Variants in ZFHX3 observed in about 807,000 individuals in gnomAD.
ZFHX3 encodes zinc finger homeobox protein 3.
ZFHX3 carries 42 observed loss-of-function variants against 279.1 expected under a neutral mutation model. The observed-to-expected ratio is 0.15, with a 90% CI of 0.12 to 0.19. ZFHX3 has a LOEUF of 0.19. ZFHX3 is among the 10% of genes least tolerant of loss of function. ZFHX3 has a pLI of 1.00. For missense variants in ZFHX3, 4,981 were observed against 4,754.0 expected (o/e 1.05, Z -1.40); for synonymous variants, 2,293 against 1,957.8 (o/e 1.17, Z -4.52).
intron 3 of ZFHX3, among the ~76,000 whole-genome samples, chr16:73,410,401 G>A (rs2017442405): frequency 6.6e-6 from 1 of 152,194 alleles, no homozygotes; most frequent in South Asian, 2.1e-4. Flanking sequence ...GGGCAACACA[G>A]AGAGACTCTG....
At chr16:73,078,511 C>T (rs1476440972) in intron 8 of ZFHX3, among the ~76,000 whole-genome samples, 2 of 152,164 alleles carry the variant, frequency 1.3e-5, no homozygotes, top group African/African-American at 2.4e-5. Flanking sequence ...TTACCAATCT[C>T]GTGAGCCTGA....
intron 6 of ZFHX3, among the ~76,000 whole-genome samples, chr16:73,138,344 G>T (rs1966829098): frequency 6.6e-6 from 1 of 152,090 alleles, no homozygotes; most frequent in Non-Finnish European, 1.5e-5. Flanking sequence ...ATAGAGAAAA[G>T]CAACAAGGAA....
intron 2 of ZFHX3, among the ~76,000 whole-genome samples, chr16:73,556,447 A>G (rs932271386): frequency 6.6e-6 from 1 of 152,236 alleles, no homozygotes; most frequent in African/African-American, 2.4e-5. Context: ...AGAGGCAGTC[A>G]GAGAGCTGTC....
chr16:72,882,980 GTGTGTGTGTGTGTGTGTGTGTGTGT>G lies in ZFHX3; in HGVS notation c.3448+6726_3448+6750del, dbSNP rs2038525319. Among the ~76,000 whole-genome samples, 118 of 35,498 alleles carry G rather than the reference GTGTGTGTGTGTGTGTGTGTGTGTGT, an allele frequency of 3.3e-3. 1 individual carries two copies. The highest frequency in any genetic ancestry group is 0.067 in the Middle Eastern group (2 of 30). 23.3% of individuals were successfully genotyped at this position (35,498 alleles called of 152,430 possible). Reference sequence around the variant, plus strand: ...TTTGGCCTTCACACCACTCTGGGGTGTGTGTGTGTGTGTGTGTGTGTGTGTGTGTGTGTGTGTGTGTGTGTGTGTG... The same window carrying G: ...TTTGGCCTTCACACCACTCTGGGGTGGTGTGTGTGTGTGTGTGTGTGTGTG... On this transcript the variant is annotated intron_variant, in intron 4 of 9. Transcript: ENST00000268489.
At chr16:72,896,034 T>C (rs1032185249) in intron 3 of ZFHX3, among the ~76,000 whole-genome samples, 2 of 152,152 alleles carry the variant, frequency 1.3e-5, no homozygotes, top group African/African-American at 4.8e-5. Flanking sequence ...AGAAGTATGA[T>C]GAAGGAAGGA....
At chr16:73,310,203 G>A (rs148798737) in intron 4 of ZFHX3, among the ~76,000 whole-genome samples, 103 of 151,908 alleles carry the variant, frequency 6.8e-4, no homozygotes, top group Non-Finnish European at 1.1e-3. Flanking sequence ...CACTGCACCC[G>A]GTCTGCTTTG....
chr16:73,340,674 C>G (rs1173481463), intron 3 of ZFHX3, among the ~76,000 whole-genome samples: 3 of 152,176 alleles, frequency 2.0e-5, no homozygotes, highest in Non-Finnish European at 4.4e-5. Context: ...CCGTGCCTGG[C>G]TGATCTTTTT....
intron 3 of ZFHX3, among the ~76,000 whole-genome samples, chr16:72,907,928 C>G (rs1187280675): frequency 1.3e-5 from 2 of 152,080 alleles, no homozygotes; most frequent in African/African-American, 4.8e-5. Flanking sequence ...AAGTGATTCA[C>G]CTGCCTCGGC....
At chr16:72,934,319 T>C (rs929150353) in intron 3 of ZFHX3, among the ~76,000 whole-genome samples, 1 of 152,108 alleles carries the variant, frequency 6.6e-6, no homozygotes, top group African/African-American at 2.4e-5. Context: ...TCCCAGCTAC[T>C]TGGGAGGCTG....
At chr16:73,214,889 G>A (rs375414950) in intron 5 of ZFHX3, among the ~76,000 whole-genome samples, 8 of 119,326 alleles carry the variant, frequency 6.7e-5, no homozygotes, top group Non-Finnish European at 1.3e-4. Flanking sequence ...GGGTTTCCAG[G>A]ATTCAGGGTG....
At position 72,787,465 on chromosome 16, in the gene ZFHX3, G is replaced by A. The variant is rs780630235; in HGVS notation, c.10811C>T (p.Ala3604Val). 14 of 1,605,114 alleles carry A rather than the reference G, an allele frequency of 8.7e-6. No homozygotes were observed. In the South Asian group the frequency reaches 1.6e-4, roughly 18 times the overall value. Residue 3604 changes from alanine (A) to valine (V), a missense_variant, in exon 10 of 10, where the codon GCC becomes GTC. Physicochemically the swap from Ala to Val is moderately conservative, Grantham distance 64. Around this residue, in one of 7 missense-constraint regions of ZFHX3, gnomAD observed 1,034 missense variants for 786.0 expected, o/e 1.32. Coordinates refer to ENST00000268489, the MANE Select transcript of ZFHX3 (RefSeq NM_006885.4). ...NDSPPPPSAA[A>V]PSSASPHASR... is the part of the protein sequence containing the mutation. ...GGCGTGGGGGGAAGCGGAGGAGGGG[G>A]CGGCGGCCGACGGGGGAGGGGGGCT... is the stretch of plus-strand genomic sequence containing the variant.
At chr16:73,183,176 G>C (rs935373544) in intron 5 of ZFHX3, among the ~76,000 whole-genome samples, 1 of 152,166 alleles carries the variant, frequency 6.6e-6, no homozygotes, top group African/African-American at 2.4e-5. Context: ...CTGCACTCCA[G>C]CCTGGGCAAC....
intron 5 of ZFHX3, among the ~76,000 whole-genome samples, chr16:73,239,364 A>G (rs925509643): frequency 3.3e-5 from 5 of 152,188 alleles, no homozygotes; most frequent in African/African-American, 1.2e-4. Flanking sequence ...GTTAATTAGA[A>G]GCTCTGGCTA....
At position 73,601,427 on chromosome 16, in the gene ZFHX3, G is replaced by A. The variant is rs183515876; in HGVS notation, c.-1547+78753C>T. On this transcript the variant is annotated intron_variant, in intron 2 of 17. Coordinates refer to the ZFHX3 transcript ENST00000641206. ...GGAGGTTGCAGTGAGCCGAGATCAC[G>A]CCGCTGCACTCCAGCCTGGGCGACA... 6.2e-3 allele frequency among the ~76,000 whole-genome samples: 930 copies of A among 149,394 alleles called. 5 individuals are homozygous for A. The highest frequency in any genetic ancestry group is 0.025 in the Middle Eastern group (7 of 284).
At chr16:73,603,128 A>G (rs1724215563) in intron 2 of ZFHX3, among the ~76,000 whole-genome samples, 1 of 151,960 alleles carries the variant, frequency 6.6e-6, no homozygotes, top group African/African-American at 2.4e-5. Flanking sequence ...ACTAAAAAAT[A>G]CAAAAAATTA....
intron 1 of ZFHX3, among the ~76,000 whole-genome samples, chr16:73,816,414 G>C (rs977793488): frequency 1.3e-5 from 2 of 152,070 alleles, no homozygotes; most frequent in Non-Finnish European, 2.9e-5. Context: ...GCCAAGTCCA[G>C]ACTACCCCCT....
intron 4 of ZFHX3, among the ~76,000 whole-genome samples, chr16:72,863,389 G>A (rs1055469481): frequency 2.6e-4 from 39 of 149,796 alleles, no homozygotes; most frequent in African/African-American, 7.4e-4. Context: ...ATGATGGTGC[G>A]TGCCTGTAGT....
chr16:73,497,913 T>C (rs1045904232), intron 2 of ZFHX3, among the ~76,000 whole-genome samples: 1 of 152,240 alleles, frequency 6.6e-6, no homozygotes, highest in Non-Finnish European at 1.5e-5. Flanking sequence ...CTTATCCTAA[T>C]TCAACTTCAA....
intron 7 of ZFHX3, among the ~76,000 whole-genome samples, chr16:73,104,270 A>G (rs952064161): frequency 1.3e-5 from 2 of 151,274 alleles, no homozygotes; most frequent in Non-Finnish European, 2.9e-5. Flanking sequence ...TCGCTCTGTC[A>G]CCCAGGCTGG....
Sources: gnomAD v4.1 joint callset for allele counts (sites outside exome capture counted in the v4.1 genomes callset) on GRCh38, gnomAD v4.1.1 for gene constraint, gnomAD v4.1.1 regional missense constraint, MANE v1.5 for transcripts, NCBI Gene and HGNC (gene_info 2026-07-23, HGNC 2026-07-21) for gene names.